CSMD1: variants seen among roughly 807,000 people sequenced by gnomAD.
CSMD1 encodes CUB and sushi domain-containing protein 1.
A neutral mutation model predicts 417.5 loss-of-function variants in CSMD1; 213 were observed. The observed-to-expected ratio is 0.51, with a 90% CI of 0.46 to 0.57. The LOEUF (loss-of-function observed/expected upper bound fraction) is 0.57, where lower values mean the gene tolerates loss of function less well. Ranked by LOEUF, CSMD1 falls within the 20% of genes least tolerant of loss-of-function variation. The pLI, the probability that CSMD1 is intolerant of heterozygous loss-of-function variation, is 0.00. For missense variants in CSMD1, 6,923 were observed against 4,529.7 expected (o/e 1.53, Z -15.17); for synonymous variants, 2,862 against 1,736.8 (o/e 1.65, Z -16.11).
intron 1 of CSMD1, among the ~76,000 whole-genome samples, chr8:4,810,576 T>C (rs1004268395): frequency 6.6e-6 from 1 of 152,286 alleles, no homozygotes; most frequent in Admixed American, 6.5e-5. Flanking sequence ...TGGGGGGTGG[T>C]GGCTGTGTGT....
chr8:3,721,884 G>A (rs879635779), intron 6 of CSMD1, among the ~76,000 whole-genome samples: 2 of 152,102 alleles, frequency 1.3e-5, no homozygotes, highest in Non-Finnish European at 1.5e-5. Flanking sequence ...TGAAGTGCCC[G>A]TTAAGTAGCT....
At chr8:3,322,475 C>T (rs932514572) in intron 23 of CSMD1, among the ~76,000 whole-genome samples, 5 of 152,096 alleles carry the variant, frequency 3.3e-5, no homozygotes, top group Non-Finnish European at 5.9e-5. Flanking sequence ...TCTTGTTTTA[C>T]GCTAAATTGC....
chr8:3,668,769 G>C (rs1160243878), intron 7 of CSMD1, among the ~76,000 whole-genome samples: 1 of 152,126 alleles, frequency 6.6e-6, no homozygotes, highest in Non-Finnish European at 1.5e-5. Flanking sequence ...TGAACATCCT[G>C]TATCTACTCT....
intron 10 of CSMD1, among the ~76,000 whole-genome samples, chr8:3,541,317 G>A (rs1355949065): frequency 1.3e-5 from 2 of 152,132 alleles, no homozygotes; most frequent in African/African-American, 2.4e-5. Flanking sequence ...ATAAGTGGGA[G>A]CTGAACAATG....
intron 5 of CSMD1, among the ~76,000 whole-genome samples, chr8:3,925,474 T>C (rs1372131176): frequency 6.6e-6 from 1 of 152,196 alleles, no homozygotes; most frequent in Admixed American, 6.5e-5. Context: ...ATAACGTTCA[T>C]AATGCTGGGT....
intron 2 of CSMD1, among the ~76,000 whole-genome samples, chr8:4,422,036 G>A (rs1039151672): frequency 2.6e-5 from 4 of 151,914 alleles, no homozygotes. Flanking sequence ...TGTAAAATTG[G>A]CAACTAAGAC....
intron 3 of CSMD1, among the ~76,000 whole-genome samples, chr8:4,298,948 T>C (rs548525264): frequency 1.3e-5 from 2 of 152,186 alleles, no homozygotes; most frequent in African/African-American, 4.8e-5. Flanking sequence ...ACAATACATA[T>C]ATATGTCATA....
intron 10 of CSMD1, among the ~76,000 whole-genome samples, chr8:3,572,816 T>C (rs1395219982): frequency 6.6e-6 from 1 of 152,126 alleles, no homozygotes; most frequent in African/African-American, 2.4e-5. Context: ...ACACCTAATA[T>C]AGCCCCCAAA....
At chr8:3,528,034 C>T (rs1244899508) in intron 10 of CSMD1, among the ~76,000 whole-genome samples, 1 of 152,110 alleles carries the variant, frequency 6.6e-6, no homozygotes. Context: ...CCAGCCATTG[C>T]CATTTGTCCC....
At chr8:4,713,788 A>C (rs1204463943) in intron 1 of CSMD1, among the ~76,000 whole-genome samples, 10 of 152,280 alleles carry the variant, frequency 6.6e-5, no homozygotes, top group East Asian at 3.9e-4. Flanking sequence ...GCTGGAGATC[A>C]TTCTAGGAGG....
At chr8:3,785,509 G>C (rs1240280732) in intron 5 of CSMD1, among the ~76,000 whole-genome samples, 1 of 152,222 alleles carries the variant, frequency 6.6e-6, no homozygotes, top group African/African-American at 2.4e-5. Flanking sequence ...ATTAACGGCA[G>C]TCAAACACCT....
chr8:3,164,555 C>G (rs1490742282), intron 37 of CSMD1, among the ~76,000 whole-genome samples: 1 of 151,964 alleles, frequency 6.6e-6, no homozygotes, highest in African/African-American at 2.4e-5. Flanking sequence ...TCTTTCCTAC[C>G]ACATATTAGC....
intron 4 of CSMD1, among the ~76,000 whole-genome samples, chr8:4,005,852 A>G (rs1050539956): frequency 1.3e-5 from 2 of 152,214 alleles, no homozygotes; most frequent in Non-Finnish European, 2.9e-5. Context: ...CTGTCTTTTA[A>G]TTCCCTGGTC....
At position 4,637,346 on chromosome 8, in the gene CSMD1, C is replaced by T. The variant is rs1427019569; in HGVS notation, c.298G>A (p.Val100Met). The stretch of plus-strand genomic sequence containing the variant: ...TATAAAAAGTTGATACCTTACCTCA[C>T]TTTTAAATTCCCTTGTTGAGGCTGT... Reference protein sequence around the residue: ...DGQPQQGNLKVRLSGFQLPSS... With the variant: ...DGQPQQGNLKMRLSGFQLPSS... Residue 100 changes from valine (V) to methionine (M), a missense_variant, in exon 2 of 70, where the codon GTG (valine) becomes ATG (methionine). Coordinates refer to ENST00000635120, the MANE Select transcript of CSMD1 (RefSeq NM_033225.6). 6.2e-7 allele frequency: 1 copy of T among 1,612,048 alleles called. No individual in the cohort carries two copies. Among genetic ancestry groups the T allele is most frequent in the East Asian group, 2.2e-5 (1 of 44,858 alleles).
chr8:4,343,568 A>G (rs998656126), intron 3 of CSMD1, among the ~76,000 whole-genome samples: 3 of 152,136 alleles, frequency 2.0e-5, no homozygotes, highest in African/African-American at 7.2e-5. Context: ...ATATATCAAT[A>G]GAGCTGGAAT....
At chr8:4,008,563 C>G (rs546061018) in intron 4 of CSMD1, among the ~76,000 whole-genome samples, 2 of 146,474 alleles carry the variant, frequency 1.4e-5, no homozygotes, top group African/African-American at 5.0e-5. Flanking sequence ...TTAAAGTTAG[C>G]ACACAACACA....
intron 3 of CSMD1, among the ~76,000 whole-genome samples, chr8:4,071,370 C>G (rs1383931941): frequency 2.0e-5 from 3 of 151,112 alleles, no homozygotes; most frequent in Non-Finnish European, 2.9e-5. Context: ...CATTTTGTAT[C>G]TGTTAAGCCT....
At chr8:4,093,924 C>T (rs145273608) in intron 3 of CSMD1, among the ~76,000 whole-genome samples, 159 of 151,886 alleles carry the variant, frequency 1.0e-3, no homozygotes, top group African/African-American at 3.3e-3. Context: ...TGCGCCATTA[C>T]GCTCCAACCT....
intron 3 of CSMD1, among the ~76,000 whole-genome samples, chr8:4,348,270 G>C (rs1463313605): frequency 6.6e-6 from 1 of 152,066 alleles, no homozygotes; most frequent in Non-Finnish European, 1.5e-5. Context: ...CTAAGGGGAA[G>C]GTAGATATAA....
Sources: gnomAD v4.1 joint callset for allele counts (sites outside exome capture counted in the v4.1 genomes callset) on GRCh38, gnomAD v4.1.1 for gene constraint, MANE v1.5 for transcripts, NCBI Gene and HGNC (gene_info 2026-07-23, HGNC 2026-07-21) for gene names.